The following ATXN7L1 variants were observed in gnomAD, a reference collection of about 807,000 sequenced individuals.
ATXN7L1 encodes ataxin-7-like protein 1.
In ATXN7L1, 15 loss-of-function variants were observed where a neutral mutation model predicts 70.8. The ratio of observed to expected loss-of-function variants is 0.21; its 90% confidence interval spans 0.14 to 0.33. The LOEUF (loss-of-function observed/expected upper bound fraction) is 0.33. ATXN7L1 is among the 10% of genes least tolerant of loss of function. The pLI is 1.00. For synonymous variants in ATXN7L1, 440 were observed against 445.1 expected (o/e 0.99, Z 0.14); for missense variants, 975 against 1,097.1 (o/e 0.89, Z 1.57).
At chr7:105,622,369 T>C (rs1282195785) in intron 8 of ATXN7L1, among the ~76,000 whole-genome samples, 1 of 152,220 alleles carries the variant, frequency 6.6e-6, no homozygotes, top group Non-Finnish European at 1.5e-5. Context: ...GGCACCGTTT[T>C]GTCTTTGCTA....
intron 2 of ATXN7L1, among the ~76,000 whole-genome samples, chr7:105,836,854 T>G (rs996044953): frequency 6.6e-6 from 1 of 152,110 alleles, no homozygotes; most frequent in Non-Finnish European, 1.5e-5. Context: ...GGTCAGGAGT[T>G]TGAGACCAGC....
intron 3 of ATXN7L1, among the ~76,000 whole-genome samples, chr7:105,677,038 G>A (rs1028068045): frequency 1.3e-5 from 2 of 152,244 alleles, no homozygotes; most frequent in Admixed American, 6.5e-5. Flanking sequence ...GCCAGGCCCC[G>A]TGGAGGGAGG....
intron 3 of ATXN7L1, among the ~76,000 whole-genome samples, chr7:105,697,086 C>T (rs1791814033): frequency 1.3e-5 from 2 of 152,102 alleles, no homozygotes; most frequent in South Asian, 4.1e-4. Flanking sequence ...GGAGGCAGGG[C>T]GAGATCACAG....
chr7:105,760,562 G>C, intron 3 of ATXN7L1: 1 of 985,844 alleles, frequency 1.0e-6, no homozygotes, highest in Non-Finnish European at 1.2e-6. Context: ...TATTAACTGA[G>C]ACTATGTTAG....
intron 4 of ATXN7L1, among the ~76,000 whole-genome samples, chr7:105,664,575 G>GTGTATATATATATATATATATATATA: frequency 9.8e-5 from 13 of 131,984 alleles, no homozygotes; most frequent in East Asian, 8.0e-4. Context: ...GTATGTGTGT[G>GTGTATATATATATATATATATATATA]TATATATATA....
At chr7:105,618,727 A>G (rs766347435) in intron 9 of ATXN7L1, among the ~76,000 whole-genome samples, 1 of 152,176 alleles carries the variant, frequency 6.6e-6, no homozygotes, top group Non-Finnish European at 1.5e-5. Flanking sequence ...TATGTGATCC[A>G]TGACTCCAAT....
chr7:105,676,590 G>A lies in ATXN7L1; in HGVS notation c.356-11302C>T, dbSNP rs139167904. Among the ~76,000 whole-genome samples the A allele has an allele frequency of 5.6e-3, 851 of 152,080 alleles. 1 individual carries two copies. The highest frequency in any genetic ancestry group is 9.2e-3 in the Non-Finnish European group (622 of 67,964). On this transcript the variant is annotated intron_variant, in intron 3 of 11. Coordinates refer to ENST00000419735, the MANE Select transcript of ATXN7L1 (RefSeq NM_020725.2). The stretch of plus-strand genomic sequence containing the variant: ...CATAGTGGCTCACACCTGTAATCCC[G>A]GCACTTTGGGAGGCCGAGGTGGGTG...
chr7:105,666,300 G>C (rs1302505851), intron 3 of ATXN7L1, among the ~76,000 whole-genome samples: 2 of 152,208 alleles, frequency 1.3e-5, no homozygotes. Context: ...CATAATTAGT[G>C]CTTAATTAAC....
intron 3 of ATXN7L1, among the ~76,000 whole-genome samples, chr7:105,786,287 T>C (rs2116475367): frequency 6.6e-6 from 1 of 152,284 alleles, no homozygotes; most frequent in Middle Eastern, 3.4e-3. Context: ...CCATGGGCTG[T>C]CCCCTAAGCT....
intron 2 of ATXN7L1, among the ~76,000 whole-genome samples, chr7:105,835,181 G>T (rs1324957842): frequency 9.0e-6 from 1 of 111,690 alleles, no homozygotes; most frequent in Non-Finnish European, 1.7e-5. Context: ...TTGAGAAAGG[G>T]TCTCACTCTG....
At chr7:105,647,676 G>C (rs751937349) in intron 4 of ATXN7L1, among the ~76,000 whole-genome samples, 9 of 152,194 alleles carry the variant, frequency 5.9e-5, no homozygotes, top group Non-Finnish European at 1.3e-4. Context: ...AACAAGCCAA[G>C]CAGCCCTCAA....
intron 4 of ATXN7L1, among the ~76,000 whole-genome samples, chr7:105,659,427 A>G (rs747184544): frequency 6.6e-6 from 1 of 152,210 alleles, no homozygotes; most frequent in Non-Finnish European, 1.5e-5. Context: ...GGGCAGGAGG[A>G]AGACAGGAAG....
intron 4 of ATXN7L1, among the ~76,000 whole-genome samples, chr7:105,661,015 G>C (rs568769137): frequency 4.6e-5 from 7 of 152,252 alleles, no homozygotes; most frequent in African/African-American, 1.7e-4. Context: ...GACTCCCTAA[G>C]ACAATGTCTG....
At chr7:105,742,265 G>A (rs189941220) in intron 3 of ATXN7L1, among the ~76,000 whole-genome samples, 9 of 152,314 alleles carry the variant, frequency 5.9e-5, no homozygotes, top group Non-Finnish European at 1.3e-4. Flanking sequence ...AATAAAGCTT[G>A]TGATCTAATT....
rs1815652991 is a variant in ATXN7L1, at chr7:105,855,906, C to T, written c.250+19906G>A. Among the ~76,000 whole-genome samples, 3 of 152,122 alleles carry T rather than the reference C, an allele frequency of 2.0e-5. 1 individual carries two copies. The highest frequency in any genetic ancestry group is 1.9e-4 in the East Asian group (1 of 5,194). Reference sequence around the variant, plus strand: ...AAACTGTATAAGTTATATGTAAATACTACACCATTTCATATAAGGGATAAG... The same window carrying T: ...AAACTGTATAAGTTATATGTAAATATTACACCATTTCATATAAGGGATAAG... On this transcript the variant is annotated intron_variant, in intron 2 of 11. Coordinates refer to ENST00000419735, the MANE Select transcript of ATXN7L1 (RefSeq NM_020725.2).
Position 105,876,446 on chromosome 7 carries a change from C to T in ATXN7L1, c.113G>A (p.Ser38Asn), listed in dbSNP as rs2098823746. Residue 38 changes from serine (S) to asparagine (N), a missense_variant, in exon 1 of 12, where the codon AGT becomes AAT. By Grantham distance (46) the Ser-to-Asn change is conservative. Transcript: ENST00000419735. ...AMATLDRKVP[S>N]PEAFLGKPWS... ...GGGTTTGCCCAGAAACGCCTCCGGA[C>T]TGGGCACTTTGCGATCCAGTGTCGC... 6.2e-7 allele frequency: 1 copy of T among 1,613,750 alleles called. No homozygotes were observed. Among genetic ancestry groups the T allele is most frequent in the Non-Finnish European group, 8.5e-7 (1 of 1,179,906 alleles).
chr7:105,744,090 T>C (rs572059642), intron 3 of ATXN7L1, among the ~76,000 whole-genome samples: 1 of 152,258 alleles, frequency 6.6e-6, no homozygotes, highest in South Asian at 2.1e-4. Flanking sequence ...TGCCTCAGTT[T>C]TCCCATTTGT....
chr7:105,755,272 C>T lies in ATXN7L1; in HGVS notation c.355+33332G>A, dbSNP rs529518912. ...AGCTGGAGGGATGTTAGAGGACATC[C>T]TAAATCACACCACTAGGGTAGTCAT... On this transcript the variant is annotated intron_variant, in intron 3 of 11. Coordinates refer to ENST00000419735, the MANE Select transcript of ATXN7L1 (RefSeq NM_020725.2). Among the ~76,000 whole-genome samples the T allele has an allele frequency of 2.6e-5, 4 of 152,270 alleles. No homozygotes were observed. The South Asian group carries it at 8.3e-4, about 32-fold the overall frequency.
At position 105,614,709 on chromosome 7, in the gene ATXN7L1, T is replaced by G. The variant is rs1180177648; in HGVS notation, c.1625A>C (p.Tyr542Ser). Residue 542 changes from tyrosine to serine, a missense_variant, in exon 10 of 12, where the codon TAT (tyrosine) becomes TCT (serine). Tyr to Ser is a moderately radical substitution (Grantham distance 144). Around this residue, in one of 5 missense-constraint regions of ATXN7L1, gnomAD observed 635 missense variants for 699.4 expected, o/e 0.91. Transcript: ENST00000419735. The surrounding 1 kb of genome is among the most constrained non-coding windows in gnomAD (Gnocchi z 4.3). ...LQPFSNPSAV[Y>S]LPSAPISSRL... is the part of the protein sequence containing the mutation. ...CGAGCTGATGGGAGCTGAAGGAAGA[T>G]ACACAGCACTGGGGTTGCTGAAAGG... 6.4e-7 allele frequency: 1 copy of G among 1,551,598 alleles called. No homozygotes were observed. Among genetic ancestry groups the G allele is most frequent in the Non-Finnish European group, 8.7e-7 (1 of 1,146,980 alleles).
Sources: allele counts gnomAD v4.1 joint callset (sites outside exome capture counted in the v4.1 genomes callset), GRCh38; gene constraint gnomAD v4.1.1; regional missense constraint gnomAD v4.1.1; non-coding constraint Gnocchi (gnomAD v3.1); transcripts MANE v1.5; gene names NCBI Gene and HGNC (gene_info 2026-07-23, HGNC 2026-07-21).